PCDHA13: variants seen among roughly 807,000 people sequenced by gnomAD.
PCDHA13 encodes protocadherin alpha-13.
A neutral mutation model predicts 64.8 loss-of-function variants in PCDHA13; 54 were observed. The observed-to-expected ratio is 0.83, with a 90% confidence interval of 0.67 to 1.04. The LOEUF (loss-of-function observed/expected upper bound fraction) is 1.04, where lower values mean the gene tolerates loss of function less well. Among genes scored for constraint, PCDHA13 ranks in the 50% least tolerant of loss-of-function variants. PCDHA13 has a pLI of 0.00. For synonymous variants in PCDHA13, 587 were observed against 564.4 expected, an observed-to-expected ratio of 1.04 and a Z score of -0.57; for missense variants, 1,248 against 1,254.3, an observed-to-expected ratio of 0.99 and a Z score of 0.08.
At chr5:140,982,675 T>C in intron 3 of PCDHA13, 112 bp downstream of exon 3, 1 of 1,441,782 alleles carries the variant, frequency 6.9e-7, no homozygotes, top group Non-Finnish European at 9.1e-7. Flanking sequence ...ATTTTTGTTA[T>C]TCCCTTTTTT....
At chr5:140,999,526 C>G (rs1429753507) in intron 3 of PCDHA13, among the ~76,000 whole-genome samples, 1 of 152,026 alleles carries the variant, frequency 6.6e-6, no homozygotes, top group Non-Finnish European at 1.5e-5. Context: ...TTTGTTACCC[C>G]CTGGATATGA....
intron 1 of PCDHA13, chr5:140,926,257 C>T (rs888723043): frequency 5.2e-5 from 8 of 152,418 alleles, no homozygotes; most frequent in African/African-American, 1.4e-4. Context: ...ACCGTCCCGC[C>T]TCTCGCCGCC....
chr5:141,010,285 C>G lies in PCDHA13; in HGVS notation c.*348C>G, dbSNP rs1214485732. ...CTCCGGGGATCCTGTCTTGATGACA[C>G]TTGCAGGGCAGGCTGAAAAGTTTTG... On this transcript the variant is annotated 3_prime_UTR_variant, in exon 4 of 4. Transcript: ENST00000289272. 1.3e-6 allele frequency: 2 copies of G among 1,550,576 alleles called. No individual in the cohort carries two copies. Among genetic ancestry groups the G allele is most frequent in the Non-Finnish European group, 1.7e-6 (2 of 1,146,690 alleles).
At chr5:140,982,074 T>TAGAGAACCTAGGAACA (rs1554243726) in intron 2 of PCDHA13, among the ~76,000 whole-genome samples, 1 of 151,090 alleles carries the variant, frequency 6.6e-6, no homozygotes, top group Non-Finnish European at 1.5e-5. Flanking sequence ...TTCTTTAGAG[T>TAGAGAACCTAGGAACA]AGAGAACCTA....
chr5:140,884,455 G>A lies in PCDHA13; in HGVS notation c.2187G>A (p.Glu729=). 4 of 1,613,784 alleles carry A rather than the reference G, an allele frequency of 2.5e-6. No individual in the cohort carries two copies. Among genetic ancestry groups the A allele is most frequent in the Non-Finnish European group, 3.4e-6 (4 of 1,179,814 alleles). ...TGCGGTGCTCGGCACCGCCCACCGA[G>A]GGCGCGTGCGCGCCGGGCAAGCCCA... is the stretch of plus-strand genomic sequence containing the variant. The part of the protein sequence containing the change: ...TALRCSAPPT[E]GACAPGKPTL... The change falls in exon 1 of 4, where the codon GAG becomes GAA. Residue 729 remains glutamate (E), a synonymous_variant. Transcript: ENST00000289272.
At chr5:140,995,936 T>C (rs1554254905) in intron 3 of PCDHA13, among the ~76,000 whole-genome samples, 1 of 152,220 alleles carries the variant, frequency 6.6e-6, no homozygotes, top group Non-Finnish European at 1.5e-5. Context: ...AAGTATTAAA[T>C]GACATAATGC....
intron 1 of PCDHA13, among the ~76,000 whole-genome samples, chr5:140,959,954 A>G (rs1054998147): frequency 6.6e-6 from 1 of 152,198 alleles, no homozygotes; most frequent in East Asian, 1.9e-4. Context: ...TATCATAGGT[A>G]GGAGGTAGAT....
chr5:140,945,807 C>G (rs1408404648), intron 1 of PCDHA13, among the ~76,000 whole-genome samples: 1 of 152,120 alleles, frequency 6.6e-6, no homozygotes, highest in African/African-American at 2.4e-5. Context: ...AGACCCTTAT[C>G]TCACACTGTA....
intron 3 of PCDHA13, among the ~76,000 whole-genome samples, chr5:141,008,500 A>C (rs2098379990): frequency 6.6e-6 from 1 of 152,072 alleles, no homozygotes; most frequent in African/African-American, 2.4e-5. Context: ...GGTATACTTT[A>C]TGGTGTGTCT....
Position 141,009,778 on chromosome 5 carries a change from C to T in PCDHA13, c.2694C>T (p.Ser898=). Residue 898 remains serine, a synonymous_variant, in exon 4 of 4, where the codon TCC becomes TCT. Transcript: ENST00000289272. ...FIIPGSPAII[S]IRQEPTNSQI... ...TCCCAGGATCTCCTGCAATCATCTCCATCCGGCAGGAGCCTACTAACAGCC... is the reference window on the plus strand; with the variant it reads ...TCCCAGGATCTCCTGCAATCATCTCTATCCGGCAGGAGCCTACTAACAGCC... 1.2e-6 allele frequency: 2 copies of T among 1,614,122 alleles called. No homozygotes were observed.
chr5:141,010,152 T>C lies in PCDHA13; in HGVS notation c.*215T>C. The C allele has an allele frequency of 1.3e-6, 2 of 1,575,858 alleles. No individual in the cohort carries two copies. The highest frequency in any genetic ancestry group is 1.7e-6 in the Non-Finnish European group (2 of 1,159,570). On this transcript the variant is annotated 3_prime_UTR_variant, in exon 4 of 4. Coordinates refer to ENST00000289272, the MANE Select transcript of PCDHA13 (RefSeq NM_018904.3). ...TGGTGTTAACTCTTTCTCTCCACTCTGGCTTGTTTTCAGAACCTAAAAAGC... is the reference window on the plus strand; with the variant it reads ...TGGTGTTAACTCTTTCTCTCCACTCCGGCTTGTTTTCAGAACCTAAAAAGC...
At chr5:140,926,754 C>G in intron 1 of PCDHA13, 1 of 1,283,492 alleles carries the variant, frequency 7.8e-7, no homozygotes, top group South Asian at 2.2e-5. Flanking sequence ...TCGGCGGTCG[C>G]TGAGTATCCA....
intron 1 of PCDHA13, among the ~76,000 whole-genome samples, chr5:140,890,775 C>T (rs1583027889): frequency 1.3e-5 from 2 of 152,158 alleles, no homozygotes; most frequent in East Asian, 3.9e-4. Context: ...TTTAAAACCC[C>T]ATAAGATATT....
At chr5:140,941,698 T>C (rs2093148440) in intron 1 of PCDHA13, among the ~76,000 whole-genome samples, 1 of 152,186 alleles carries the variant, frequency 6.6e-6, no homozygotes, top group African/African-American at 2.4e-5. Flanking sequence ...TCTTTGGGCT[T>C]AGCTTTCCTC....
At chr5:140,974,377 A>G (rs1356669539) in intron 1 of PCDHA13, among the ~76,000 whole-genome samples, 1 of 152,190 alleles carries the variant, frequency 6.6e-6, no homozygotes, top group Non-Finnish European at 1.5e-5. Flanking sequence ...TTTCTGTTGT[A>G]CTGGAACCCA....
At chr5:140,983,170 G>A (rs1046143831) in intron 3 of PCDHA13, among the ~76,000 whole-genome samples, 1 of 152,136 alleles carries the variant, frequency 6.6e-6, no homozygotes, top group Non-Finnish European at 1.5e-5. Context: ...AAACATGACC[G>A]CCTCACAATT....
chr5:140,967,364 C>T, intron 1 of PCDHA13: 2 of 1,607,620 alleles, frequency 1.2e-6, no homozygotes, highest in Non-Finnish European at 1.7e-6. Flanking sequence ...CCTTAAGCCC[C>T]TGCAGGAGAA....
At chr5:140,931,815 T>C (rs954167352) in intron 1 of PCDHA13, among the ~76,000 whole-genome samples, 47 of 152,114 alleles carry the variant, frequency 3.1e-4, no homozygotes, top group African/African-American at 8.4e-4. Flanking sequence ...TAGAAAAGAA[T>C]TCTTGTCATA....
intron 1 of PCDHA13, among the ~76,000 whole-genome samples, chr5:140,932,235 G>A (rs372410374): frequency 4.0e-5 from 6 of 151,638 alleles, no homozygotes; most frequent in African/African-American, 1.5e-4. Context: ...TTTTAGAATG[G>A]TATCTAAGAG....
Sources: gnomAD v4.1 joint callset for allele counts (sites outside exome capture counted in the v4.1 genomes callset) on GRCh38, gnomAD v4.1.1 for gene constraint, MANE v1.5 for transcripts, NCBI Gene and HGNC (gene_info 2026-07-23, HGNC 2026-07-21) for gene names.